The following CEL variants were observed in gnomAD, a reference collection of about 807,000 sequenced individuals.
The protein encoded by CEL is bile salt-activated lipase.
In CEL, 39 loss-of-function variants were observed where a neutral mutation model predicts 57.1. That is an observed-to-expected ratio of 0.68 (90% CI 0.53 to 0.89). The LOEUF is 0.89. Ranked by LOEUF, CEL falls within the 40% of genes least tolerant of loss-of-function variation. CEL has a pLI of 0.00. For missense variants in CEL, 698 were observed against 915.0 expected, an observed-to-expected ratio of 0.76 and a Z score of 3.06; for synonymous variants, 314 against 396.6, an observed-to-expected ratio of 0.79 and a Z score of 2.48.
In CEL at chr9:133,070,586, C is replaced by T. The variant is rs199524286; in HGVS notation, c.1412C>T (p.Thr471Met). Residue 471 changes from threonine to methionine, a missense_variant, in exon 10 of 11, where the codon ACG becomes ATG. By Grantham distance (81) the Thr-to-Met change is moderately conservative. This residue lies in a region of CEL where 111 missense variants were observed against 147.3 expected (regional missense o/e 0.75). Transcript: ENST00000372080. ...YVFGKPFATP[T>M]GYRPQDRTVS... ...TTCGGGAAGCCCTTCGCCACCCCCA[C>T]GGGCTACCGGCCCCAAGACAGGACA... 8.9e-5 allele frequency: 143 copies of T among 1,614,142 alleles called. 1 individual carries two copies. In the East Asian group the frequency reaches 1.7e-3, roughly 19 times the overall value.
Position 133,064,521 on chromosome 9 carries a change from CTG to C in CEL, c.185_186del (p.Leu62ArgfsTer36). The C allele has an allele frequency of 6.2e-7, 1 of 1,614,186 alleles. No individual in the cohort carries two copies. Among genetic ancestry groups the C allele is most frequent in the Non-Finnish European group, 8.5e-7 (1 of 1,180,022 alleles). ...CCCCTTCGCAGCTCCCACCAAGGCC[CTG>C]GAAAATCCTCAGCCACATCCTGGCT... The part of the protein sequence containing the change: ...GIPFAAPTKA[L>X]ENPQPHPGWQ... On this transcript the variant is annotated frameshift_variant, in exon 2 of 11. Coordinates refer to ENST00000372080, the MANE Select transcript of CEL (RefSeq NM_001807.6). LOFTEE classifies it high-confidence loss of function.
rs760902794 is a variant in CEL at position 133,064,376 on chromosome 9, C to T, written c.67-28C>T. Reference sequence around the variant, plus strand: ...TTCAGGCCGATGGGGCTTGAGCCCCCCTGACCCTGCCCGTGTCTCCCTCGC... The same window carrying T: ...TTCAGGCCGATGGGGCTTGAGCCCCTCTGACCCTGCCCGTGTCTCCCTCGC... On this transcript the variant is annotated intron_variant, in intron 1 of 10. Transcript: ENST00000372080. The T allele has an allele frequency of 1.5e-5, 24 of 1,612,512 alleles. No individual in the cohort carries two copies. In the Admixed American group the frequency reaches 2.7e-4, roughly 18 times the overall value.
intron 1 of CEL, among the ~76,000 whole-genome samples, chr9:133,063,372 T>G (rs1020166258): frequency 6.6e-5 from 10 of 152,280 alleles, no homozygotes; most frequent in Middle Eastern, 3.4e-3. Flanking sequence ...GATGCCTGCA[T>G]GTGTTGCTTC....
intron 1 of CEL, 142 bp from the exon 2 acceptor site, chr9:133,064,262 C>A: frequency 9.4e-7 from 1 of 1,062,586 alleles, no homozygotes; most frequent in Non-Finnish European, 1.4e-6. Flanking sequence ...GCAGGGGGTG[C>A]TGCCTGGGTC....
At chr9:133,065,326 A>C in intron 4 of CEL, 89 bp downstream of exon 4, 6 of 1,431,596 alleles carry the variant, frequency 4.2e-6, no homozygotes, top group Non-Finnish European at 5.8e-6. Context: ...ACCCCAAACA[A>C]CCAGTGGCGG....
chr9:133,063,347 G>T (rs575794046), intron 1 of CEL, among the ~76,000 whole-genome samples: 9 of 152,282 alleles, frequency 5.9e-5, no homozygotes, highest in East Asian at 1.9e-4. Context: ...CAGATGCCTC[G>T]CAGGGGATGC....
chr9:133,069,489 G>C (rs1282260377), intron 9 of CEL, among the ~76,000 whole-genome samples: 1 of 149,718 alleles, frequency 6.7e-6, no homozygotes. Context: ...CCTCTGCCCT[G>C]CTCAGCCCTG....
Position 133,064,742 on chromosome 9 carries a change from T to G in CEL, c.320T>G (p.Val107Gly). The G allele has an allele frequency of 6.2e-7, 1 of 1,614,054 alleles. No homozygotes were observed. The highest frequency in any genetic ancestry group is 8.5e-7 in the Non-Finnish European group (1 of 1,180,008). ...DEDCLYLNIW[V>G]PQGRKQVSRD... Reference sequence around the variant, plus strand: ...GACTGCCTGTACCTCAACATTTGGGTGCCCCAGGGCAGGAAGCAAGGTCTG... The same window carrying G: ...GACTGCCTGTACCTCAACATTTGGGGGCCCCAGGGCAGGAAGCAAGGTCTG... The change falls in exon 3 of 11, where the codon GTG becomes GGG. Residue 107 changes from valine to glycine, a missense_variant. Transcript: ENST00000372080.
chr9:133,068,546 C>T, intron 7 of CEL, 126 bp from the exon 8 acceptor site: 1 of 926,054 alleles, frequency 1.1e-6, no homozygotes, highest in Non-Finnish European at 1.6e-6. Flanking sequence ...AGAATCAACC[C>T]TGCCCCAAGT....
Position 133,064,666 on chromosome 9 carries a change from A to G in CEL, c.244A>G (p.Lys82Glu). The change falls in exon 3 of 11, where the codon AAG (lysine) becomes GAG (glutamate). Residue 82 changes from lysine (K) to glutamate (E), a missense_variant. By Grantham distance (56) the Lys-to-Glu change is moderately conservative. Coordinates refer to ENST00000372080, the MANE Select transcript of CEL (RefSeq NM_001807.6). ...QGTLKAKNFKKRCLQATITQD... is the reference protein window; with the variant it reads ...QGTLKAKNFKERCLQATITQD... ...GACCCTGAAGGCCAAGAACTTCAAG[A>G]AGAGATGCCTGCAGGCCACCATCAC... 6.2e-7 allele frequency: 1 copy of G among 1,613,990 alleles called. No homozygotes were observed. The highest frequency in any genetic ancestry group is 8.5e-7 in the Non-Finnish European group (1 of 1,179,984).
At chr9:133,068,411 G>C (rs573292019) in intron 7 of CEL, among the ~76,000 whole-genome samples, 1 of 152,108 alleles carries the variant, frequency 6.6e-6, no homozygotes, top group Non-Finnish European at 1.5e-5. Flanking sequence ...GCCTGGGGAC[G>C]TGTGGCAGGG....
At position 133,071,034 on chromosome 9, in the gene CEL, A is replaced by G; in HGVS notation, c.1532A>G (p.Tyr511Cys). 6.2e-7 allele frequency: 1 copy of G among 1,613,574 alleles called. No homozygotes were observed. Among genetic ancestry groups the G allele is most frequent in the Non-Finnish European group, 8.5e-7 (1 of 1,179,856 alleles). ...GCTGTGCCCACACACTGGGAACCCT[A>G]CACTACGGAAAACAGCGGCTACCTG... ...DSAVPTHWEP[Y>C]TTENSGYLEI... The change falls in exon 11 of 11, where the codon TAC becomes TGC. Residue 511 changes from tyrosine (Y) to cysteine (C), a missense_variant. Transcript: ENST00000372080.
chr9:133,066,976 T>TGGGGGGGGGGGGGGGG lies in CEL; in HGVS notation c.777+36_777+37insGGGGGGGGGGGGGGGG, dbSNP rs1830188353. On this transcript the variant is annotated intron_variant, in intron 6 of 10. Coordinates refer to ENST00000372080, the MANE Select transcript of CEL (RefSeq NM_001807.6). This position sits in a 1 kb window ranked among gnomAD's most constrained non-coding sequence, Gnocchi z 4.3. ...CGGAGGAGGGCAGGGCTGGGCGGGGTGGGGGCTGTCCACATTTCCGTTCTT... is the reference window on the plus strand; with the variant it reads ...CGGAGGAGGGCAGGGCTGGGCGGGGTGGGGGGGGGGGGGGGGGGGGGCTGTCCACATTTCCGTTCTT... 7 of 753,404 alleles carry TGGGGGGGGGGGGGGGG rather than the reference T, an allele frequency of 9.3e-6. No individual in the cohort carries two copies. The highest frequency in any genetic ancestry group is 4.3e-5 in the East Asian group (1 of 23,096). The allele number at this position is 753,404 out of a possible 1,614,324, so 46.7% of individuals were successfully genotyped here.
At chr9:133,068,430 C>T (rs1830214781) in intron 7 of CEL, among the ~76,000 whole-genome samples, 1 of 152,054 alleles carries the variant, frequency 6.6e-6, no homozygotes, top group African/African-American at 2.4e-5. Flanking sequence ...GGCCTGGAGA[C>T]ATCTGTGATT....
rs1260121289 is a variant in CEL at position 133,064,689 on chromosome 9, C to T, written c.267C>T (p.Ile89=). 1 of 1,614,150 alleles carries T rather than the reference C, an allele frequency of 6.2e-7. No individual in the cohort carries two copies. Among genetic ancestry groups the T allele is most frequent in the Non-Finnish European group, 8.5e-7 (1 of 1,180,026 alleles). ...NFKKRCLQAT[I]TQDSTYGDED... is the part of the protein sequence containing the mutation. ...AGAAGAGATGCCTGCAGGCCACCAT[C>T]ACCCAGGACAGCACCTACGGGGATG... Residue 89 remains isoleucine (I), a synonymous_variant, in exon 3 of 11, where the codon ATC becomes ATT. Transcript: ENST00000372080.
chr9:133,071,814 G>T lies in CEL; in HGVS notation c.*50G>T, dbSNP rs745379871. The T allele has an allele frequency of 7.8e-6, 12 of 1,528,838 alleles. No individual in the cohort carries two copies. The highest frequency in any genetic ancestry group is 1.7e-4 in the Middle Eastern group (1 of 5,912). 94.7% of individuals were successfully genotyped at this position (1,528,838 alleles called of 1,614,324 possible). A position where few individuals can be genotyped will look rare whatever the true frequency, so the allele number is the denominator to read the frequency against. The stretch of plus-strand genomic sequence containing the variant: ...AGGCCACAAGAGTGGGACCCCAGGG[G>T]CTCCCCTCCCATCTTGAGCTCTTCC... On this transcript the variant is annotated 3_prime_UTR_variant, in exon 11 of 11. Coordinates refer to ENST00000372080, the MANE Select transcript of CEL (RefSeq NM_001807.6).
chr9:133,067,397 A>G (rs1830198332), intron 7 of CEL, among the ~76,000 whole-genome samples, 192 bp downstream of exon 7: 1 of 151,406 alleles, frequency 6.6e-6, no homozygotes, highest in African/African-American at 2.4e-5. Context: ...TTTTTTTGAG[A>G]TGGAGTCTCA....
rs1830267955 is a variant in CEL, at chr9:133,071,432, G to A, written c.1930G>A (p.Gly644Arg). Residue 644 changes from glycine to arginine, a missense_variant, in exon 11 of 11, where the codon GGG becomes AGG. By Grantham distance (125) the Gly-to-Arg change is moderately radical (BLOSUM62 -2). This residue lies in a region of CEL where 238 missense variants were observed against 213.7 expected (regional missense o/e 1.11). Transcript: ENST00000372080. ...CCCCGTGCCGCCCACGGGTGACTCC[G>A]GGGCCCCCCCCGTGCCGCCCACGGG... is the stretch of plus-strand genomic sequence containing the variant. The part of the protein sequence containing the change: ...APPVPPTGDS[G>R]APPVPPTGDS... The A allele has an allele frequency of 9.7e-6, 1 of 102,880 alleles. No individual in the cohort carries two copies. Among genetic ancestry groups the A allele is most frequent in the Non-Finnish European group, 1.6e-5 (1 of 61,782 alleles). 6.4% of individuals were successfully genotyped at this position (102,880 alleles called of 1,614,324 possible).
chr9:133,067,877 C>T (rs1224876674), intron 7 of CEL, among the ~76,000 whole-genome samples: 3 of 152,176 alleles, frequency 2.0e-5, no homozygotes, highest in Admixed American at 6.5e-5. Flanking sequence ...TTTACTGAAC[C>T]GTAGCACTGG....
Sources: allele counts gnomAD v4.1 joint callset (sites outside exome capture counted in the v4.1 genomes callset), GRCh38; gene constraint gnomAD v4.1.1; regional missense constraint gnomAD v4.1.1; non-coding constraint Gnocchi (gnomAD v3.1); transcripts MANE v1.5; gene names NCBI Gene and HGNC (gene_info 2026-07-23, HGNC 2026-07-21).